The following PDE10A variants were observed in gnomAD, a reference collection of about 807,000 sequenced individuals.
PDE10A encodes the protein cAMP and cAMP-inhibited cGMP 3',5'-cyclic phosphodiesterase 10A.
Under a neutral mutation model 97.7 loss-of-function variants are expected in PDE10A, and 39 were observed. The observed-to-expected ratio is 0.40, with a 90% CI of 0.31 to 0.52. PDE10A has a LOEUF of 0.52. PDE10A is among the 20% of genes least tolerant of loss of function. The pLI, the probability that PDE10A is intolerant of heterozygous loss-of-function variation, is 0.56. For missense variants in PDE10A, 731 were observed against 1,047.8 expected, an observed-to-expected ratio of 0.70 and a Z score of 4.17; for synonymous variants, 371 against 376.8, an observed-to-expected ratio of 0.98 and a Z score of 0.18.
At chr6:165,634,295 C>T (rs532500168) in intron 1 of PDE10A, among the ~76,000 whole-genome samples, 1 of 151,908 alleles carries the variant, frequency 6.6e-6, no homozygotes, top group African/African-American at 2.4e-5. Context: ...GAGGAGTGTG[C>T]GGAGTGTATC....
chr6:165,925,390 G>T (rs2128489356), intron 1 of PDE10A, among the ~76,000 whole-genome samples: 1 of 152,322 alleles, frequency 6.6e-6, no homozygotes, highest in Non-Finnish European at 1.5e-5. Flanking sequence ...CCCCTGAACA[G>T]CTATGCCAGA....
At chr6:165,865,107 T>C (rs1353830048) in intron 1 of PDE10A, among the ~76,000 whole-genome samples, 1 of 152,160 alleles carries the variant, frequency 6.6e-6, no homozygotes, top group Non-Finnish European at 1.5e-5. Flanking sequence ...CACCTGGCAT[T>C]CCTGCCCCAA....
intron 1 of PDE10A, among the ~76,000 whole-genome samples, chr6:165,608,120 A>T (rs1374493767): frequency 2.7e-5 from 4 of 148,924 alleles, no homozygotes; most frequent in East Asian, 3.9e-4. Flanking sequence ...ATATATATAT[A>T]TTTTATTATA....
chr6:165,969,290 C>G (rs549612882), intron 1 of PDE10A, among the ~76,000 whole-genome samples: 53 of 152,280 alleles, frequency 3.5e-4, no homozygotes, highest in African/African-American at 1.2e-3. Context: ...AGATAAGCAG[C>G]TCTGCCAAAG....
At chr6:165,390,230 G>T (rs765707728) in intron 16 of PDE10A, among the ~76,000 whole-genome samples, 3 of 152,314 alleles carry the variant, frequency 2.0e-5, no homozygotes, top group Non-Finnish European at 4.4e-5. Context: ...CAAGAGTGCC[G>T]AATGTCCCGG....
At chr6:165,482,270 C>T in intron 3 of PDE10A, 45 bp downstream of exon 3, 1 of 1,297,934 alleles carries the variant, frequency 7.7e-7, no homozygotes, top group Non-Finnish European at 1.1e-6. Context: ...AAAACAGATT[C>T]ATTTCCTATA....
intron 1 of PDE10A, among the ~76,000 whole-genome samples, chr6:165,635,229 C>T (rs140811036): frequency 9.2e-5 from 14 of 152,076 alleles, no homozygotes; most frequent in Non-Finnish European, 1.9e-4. Flanking sequence ...GATGATCAGG[C>T]AAGTATGATC....
In PDE10A at chr6:165,655,380, G is replaced by A. The variant is rs186498058; in HGVS notation, c.865+6567C>T. Among the ~76,000 whole-genome samples the A allele has an allele frequency of 3.9e-5, 6 of 152,080 alleles. No homozygotes were observed. The highest frequency in any genetic ancestry group is 1.2e-4 in the African/African-American group (5 of 41,486). On this transcript the variant is annotated intron_variant, in intron 1 of 21. Transcript: ENST00000539869. This position sits in a 1 kb window ranked among gnomAD's most constrained non-coding sequence, Gnocchi z 4.5. ...ACGCCTGATTCCTTGCGCACCCCAC[G>A]TGCTCCTCCTCCAGGCTTCCCATCC...
chr6:165,509,598 T>A (rs1160708388), intron 2 of PDE10A, among the ~76,000 whole-genome samples: 4 of 151,752 alleles, frequency 2.6e-5, no homozygotes, highest in East Asian at 3.8e-4. Context: ...TTTTTTTTTT[T>A]ATTTTTGTGA....
At chr6:165,713,729 T>C (rs557218391) in intron 1 of PDE10A, among the ~76,000 whole-genome samples, 1 of 152,346 alleles carries the variant, frequency 6.6e-6, no homozygotes, top group East Asian at 1.9e-4. Context: ...TGTGTCTGAG[T>C]GTAATTATCA....
At chr6:165,642,115 C>G (rs9348024) in intron 1 of PDE10A, among the ~76,000 whole-genome samples, 100,296 of 152,044 alleles carry the variant, frequency 0.66, 33,970 homozygotes, top group Middle Eastern at 0.8. Flanking sequence ...GCCACGCCTG[C>G]AGTTAAAGAT....
chr6:165,516,151 T>C (rs371092505), intron 2 of PDE10A, among the ~76,000 whole-genome samples: 1 of 152,208 alleles, frequency 6.6e-6, no homozygotes, highest in African/African-American at 2.4e-5. Flanking sequence ...TAGTGCTGTA[T>C]CTTGTTCTCT....
chr6:165,924,351 G>A (rs1044635158), intron 1 of PDE10A, among the ~76,000 whole-genome samples: 3 of 151,808 alleles, frequency 2.0e-5, no homozygotes, highest in Admixed American at 6.6e-5. Context: ...CCCTCTGTGT[G>A]TACAGTTCAT....
chr6:165,559,764 T>C (rs1393061977), intron 1 of PDE10A, among the ~76,000 whole-genome samples: 1 of 152,184 alleles, frequency 6.6e-6, no homozygotes, highest in Non-Finnish European at 1.5e-5. Context: ...AACTGAATCT[T>C]GGGGCCAGTT....
chr6:165,864,588 G>A (rs1305544044), intron 1 of PDE10A, among the ~76,000 whole-genome samples: 1 of 152,222 alleles, frequency 6.6e-6, no homozygotes, highest in African/African-American at 2.4e-5. Flanking sequence ...TTTTCACAGA[G>A]TAAATTGTGA....
chr6:165,681,169 T>C (rs1214826644), intron 1 of PDE10A, among the ~76,000 whole-genome samples: 1 of 152,194 alleles, frequency 6.6e-6, no homozygotes, highest in African/African-American at 2.4e-5. Flanking sequence ...CAAGGGGTAG[T>C]TCACCTCATC....
intron 2 of PDE10A, among the ~76,000 whole-genome samples, chr6:165,510,604 G>A (rs1312987448): frequency 6.6e-6 from 1 of 151,750 alleles, no homozygotes; most frequent in African/African-American, 2.4e-5. Context: ...TGTGAGGACT[G>A]GTATTAGTTC....
In PDE10A at chr6:165,466,701, C is replaced by T. The variant is rs190449058; in HGVS notation, c.1023+15614G>A. ...ATTTAATCATCTGTAACTATTCTCC[C>T]ATCTCCCCTCCTCTCCTTGAACCTC... On this transcript the variant is annotated intron_variant, in intron 3 of 21. Coordinates refer to ENST00000539869, the MANE Select transcript of PDE10A (RefSeq NM_001385079.1). Among the ~76,000 whole-genome samples, 3 of 152,260 alleles carry T rather than the reference C, an allele frequency of 2.0e-5. No homozygotes were observed. The East Asian group carries it at 5.8e-4, about 29-fold the overall frequency.
At chr6:165,965,521 C>T (rs754334979) in intron 1 of PDE10A, among the ~76,000 whole-genome samples, 2 of 152,132 alleles carry the variant, frequency 1.3e-5, no homozygotes, top group Non-Finnish European at 2.9e-5. Flanking sequence ...CAATCTAGAT[C>T]CTAAGGTTTT....
Sources: allele counts gnomAD v4.1 joint callset (sites outside exome capture counted in the v4.1 genomes callset), GRCh38; gene constraint gnomAD v4.1.1; non-coding constraint Gnocchi (gnomAD v3.1); transcripts MANE v1.5; gene names NCBI Gene and HGNC (gene_info 2026-07-23, HGNC 2026-07-21).